Variants in MGAT4C observed in about 807,000 individuals in gnomAD.
MGAT4C encodes the protein MGAT4 family member C.
MGAT4C carries 19 observed loss-of-function variants against 40.1 expected under a neutral mutation model. The ratio of observed to expected loss-of-function variants is 0.47; its 90% CI spans 0.33 to 0.70. The LOEUF (loss-of-function observed/expected upper bound fraction) is 0.70, where lower values mean the gene tolerates loss of function less well. Ranked by LOEUF, MGAT4C falls within the 30% of genes least tolerant of loss-of-function variation. The pLI, the probability that MGAT4C is intolerant of heterozygous loss-of-function variation, is 0.02. For missense variants in MGAT4C, 491 were observed against 563.2 expected, an observed-to-expected ratio of 0.87 and a Z score of 1.30; for synonymous variants, 181 against 187.1, an observed-to-expected ratio of 0.97 and a Z score of 0.27.
At chr12:86,436,309 C>A (rs1448427372) in intron 2 of MGAT4C, among the ~76,000 whole-genome samples, 1 of 148,916 alleles carries the variant, frequency 6.7e-6, no homozygotes, top group African/African-American at 2.5e-5. Context: ...TTGTAGAAAT[C>A]TCAAAAAATG....
At chr12:86,168,813 A>G (rs555961834) in intron 1 of MGAT4C, among the ~76,000 whole-genome samples, 2 of 152,206 alleles carry the variant, frequency 1.3e-5, no homozygotes, top group Admixed American at 6.5e-5. Context: ...GTCTGAGGTA[A>G]TATTTTTATA....
chr12:86,526,292 G>T (rs1958881584), intron 2 of MGAT4C, among the ~76,000 whole-genome samples: 1 of 152,104 alleles, frequency 6.6e-6, no homozygotes, highest in South Asian at 2.1e-4. Flanking sequence ...GGTAGGGGGA[G>T]GAGGGTTGGC....
chr12:86,534,144 C>T (rs1281910422), intron 2 of MGAT4C, among the ~76,000 whole-genome samples: 1 of 152,008 alleles, frequency 6.6e-6, no homozygotes, highest in Non-Finnish European at 1.5e-5. Context: ...GACAATTCAC[C>T]AAGAGAGTTT....
intron 2 of MGAT4C, among the ~76,000 whole-genome samples, chr12:86,678,464 A>G (rs994621034): frequency 6.2e-4 from 94 of 151,620 alleles, no homozygotes; most frequent in African/African-American, 2.2e-3. Flanking sequence ...GTTTTAGGGT[A>G]CATGTGCACA....
chr12:85,985,814 A>T (rs1241169832), intron 3 of MGAT4C, among the ~76,000 whole-genome samples: 2 of 152,214 alleles, frequency 1.3e-5, no homozygotes, highest in Admixed American at 1.3e-4. Flanking sequence ...CTAGTGACTC[A>T]GTTTAGTATC....
intron 2 of MGAT4C, among the ~76,000 whole-genome samples, chr12:86,003,889 A>T (rs1278202640): frequency 6.6e-6 from 1 of 152,134 alleles, no homozygotes; most frequent in Non-Finnish European, 1.5e-5. Flanking sequence ...CCTTTTAAGT[A>T]ATCTTCCTAG....
intron 1 of MGAT4C, among the ~76,000 whole-genome samples, chr12:86,171,923 T>C (rs1480552849): frequency 1.3e-5 from 2 of 152,146 alleles, no homozygotes; most frequent in African/African-American, 4.8e-5. Context: ...TAAACAGAAA[T>C]GAACATCTTG....
rs181816619 is a variant in MGAT4C, at chr12:86,473,112, C to T, written c.-228-37847G>A. On this transcript the variant is annotated intron_variant, in intron 2 of 7. Transcript: ENST00000548651. ...CTGGGATTACAAGCATACGCCTCCA[C>T]GTCCGGCTAATTTTTTGTGTTTTTA... 1.5e-3 allele frequency among the ~76,000 whole-genome samples: 223 copies of T among 152,194 alleles called. 1 individual carries two copies. The highest frequency in any genetic ancestry group is 5.0e-3 in the African/African-American group (208 of 41,528).
At chr12:86,525,939 G>A (rs1450722042) in intron 2 of MGAT4C, among the ~76,000 whole-genome samples, 1 of 152,246 alleles carries the variant, frequency 6.6e-6, no homozygotes, top group African/African-American at 2.4e-5. Flanking sequence ...TGTGCCAGCA[G>A]CAGTGGCAAT....
At chr12:86,143,420 G>A (rs1593060213) in intron 1 of MGAT4C, among the ~76,000 whole-genome samples, 1 of 152,146 alleles carries the variant, frequency 6.6e-6, no homozygotes, top group East Asian at 1.9e-4. Context: ...TGCTTTAGAG[G>A]AGATTGTCAT....
intron 1 of MGAT4C, among the ~76,000 whole-genome samples, chr12:86,141,165 T>G (rs1231022157): frequency 6.6e-6 from 1 of 151,924 alleles, no homozygotes; most frequent in Non-Finnish European, 1.5e-5. Context: ...GATCAACAAA[T>G]TCAGAGATAA....
chr12:86,505,088 A>G (rs1191087394), intron 2 of MGAT4C, among the ~76,000 whole-genome samples: 1 of 152,172 alleles, frequency 6.6e-6, no homozygotes, highest in East Asian at 1.9e-4. Context: ...CTATGGGTCA[A>G]GTATCTGCCA....
chr12:86,379,090 A>C (rs751476315), intron 3 of MGAT4C, among the ~76,000 whole-genome samples: 7 of 152,146 alleles, frequency 4.6e-5, no homozygotes, highest in Non-Finnish European at 7.4e-5. Context: ...ACAATATCTT[A>C]GGCAAGTAGT....
At chr12:86,676,017 G>A (rs528216715) in intron 2 of MGAT4C, among the ~76,000 whole-genome samples, 6 of 148,382 alleles carry the variant, frequency 4.0e-5, no homozygotes, top group East Asian at 3.9e-4. Context: ...AAATAAATAC[G>A]AAAAAATTAA....
chr12:86,200,823 CA>C (rs1354811292), intron 1 of MGAT4C, among the ~76,000 whole-genome samples: 2 of 152,106 alleles, frequency 1.3e-5, no homozygotes, highest in Non-Finnish European at 2.9e-5. Context: ...AACGTTAAAT[CA>C]GGTCATGAAA....
intron 3 of MGAT4C, among the ~76,000 whole-genome samples, chr12:86,385,754 T>C (rs2136223888): frequency 6.6e-6 from 1 of 152,268 alleles, no homozygotes; most frequent in East Asian, 1.9e-4. Context: ...GTCTCACTGG[T>C]TCTTTTCATT....
At chr12:86,282,237 C>T (rs1338359539) in intron 4 of MGAT4C, among the ~76,000 whole-genome samples, 2 of 152,074 alleles carry the variant, frequency 1.3e-5, no homozygotes, top group African/African-American at 4.8e-5. Context: ...TTCCACAGGT[C>T]CCTGTGGCAC....
chr12:86,290,436 G>C (rs1369764914), intron 4 of MGAT4C, among the ~76,000 whole-genome samples: 1 of 151,280 alleles, frequency 6.6e-6, no homozygotes, highest in East Asian at 2.0e-4. Context: ...GAGGGTTTGA[G>C]ATTTGCAGTA....
chr12:85,993,708 C>T (rs775069296), intron 2 of MGAT4C, among the ~76,000 whole-genome samples: 1 of 152,112 alleles, frequency 6.6e-6, no homozygotes, highest in Non-Finnish European at 1.5e-5. Context: ...GAGTGGTCAC[C>T]TCAGTATTTT....
Sources: gnomAD v4.1 joint callset for allele counts (sites outside exome capture counted in the v4.1 genomes callset) on GRCh38, gnomAD v4.1.1 for gene constraint, MANE v1.5 for transcripts, NCBI Gene and HGNC (gene_info 2026-07-23, HGNC 2026-07-21) for gene names.